Variants in LITAF observed in about 807,000 individuals in gnomAD.
LITAF encodes lipopolysaccharide induced TNF factor, also known as lipopolysaccharide-induced tumor necrosis factor-alpha factor.
A neutral mutation model predicts 14.5 loss-of-function variants in LITAF; 9 were observed. That is an observed-to-expected ratio of 0.62 (90% confidence interval 0.37 to 1.08). LITAF has a LOEUF of 1.08. Among genes scored for constraint, LITAF ranks in the 50% least tolerant of loss-of-function variants. LITAF has a pLI of 0.01. For synonymous variants in LITAF, 98 were observed against 88.2 expected (o/e 1.11, Z -0.62); for missense variants, 206 against 213.4 (o/e 0.97, Z 0.22).
At position 11,556,563 on chromosome 16, in the gene LITAF, C is replaced by G. The variant is rs752102464; in HGVS notation, c.168G>C (p.Met56Ile). 1 of 1,614,160 alleles carries G rather than the reference C, an allele frequency of 6.2e-7. No individual in the cohort carries two copies. The highest frequency in any genetic ancestry group is 8.5e-7 in the Non-Finnish European group (1 of 1,180,026). Reference sequence around the variant, plus strand: ...GCTGGGTATAATACGAAGGAGGATTCATGCCCTTCCCATCAGGCCCCGTCA... The same window carrying G: ...GCTGGGTATAATACGAAGGAGGATTGATGCCCTTCCCATCAGGCCCCGTCA... ...GLVTGPDGKG[M>I]NPPSYYTQPA... Residue 56 changes from methionine (M) to isoleucine (I), a missense_variant, in exon 2 of 4, where the codon ATG becomes ATC. Physicochemically the swap from Met to Ile is conservative, Grantham distance 10. Transcript: ENST00000622633.
chr16:11,562,414 T>G (rs926454171), intron 1 of LITAF, among the ~76,000 whole-genome samples: 1 of 151,242 alleles, frequency 6.6e-6, no homozygotes, highest in African/African-American at 2.4e-5. Context: ...GCCCAGAAAT[T>G]AAGTAGCCAA....
In LITAF at chr16:11,568,636, C is replaced by T. The variant is rs569537907; in HGVS notation, c.-5-11901G>A. On this transcript the variant is annotated intron_variant, in intron 1 of 3. Transcript: ENST00000622633. Reference sequence around the variant, plus strand: ...AGTTGCTACCGTGTAAGTGCTCCACCTTCAGTGCTTGCTTGTGACACTGAA... The same window carrying T: ...AGTTGCTACCGTGTAAGTGCTCCACTTTCAGTGCTTGCTTGTGACACTGAA... Among the ~76,000 whole-genome samples, 27 of 151,330 alleles carry T rather than the reference C, an allele frequency of 1.8e-4. No individual in the cohort carries two copies. In the South Asian group the frequency reaches 5.6e-3, roughly 32 times the overall value.
chr16:11,617,797 C>T (rs1378017364), intron 3 of LITAF, among the ~76,000 whole-genome samples: 2 of 152,082 alleles, frequency 1.3e-5, no homozygotes, highest in Non-Finnish European at 2.9e-5. Context: ...ATCTAAGCCT[C>T]TTTGAAGGTG....
Position 11,634,218 on chromosome 16 carries a change from A to G in LITAF, c.-20-581T>C, listed in dbSNP as rs971057510. 2.0e-5 allele frequency among the ~76,000 whole-genome samples: 3 copies of G among 152,216 alleles called. No individual in the cohort carries two copies. The highest frequency in any genetic ancestry group is 4.4e-5 in the Non-Finnish European group (3 of 68,036). On this transcript the variant is annotated intron_variant, in intron 2 of 3. Coordinates refer to the LITAF transcript ENST00000574848. The surrounding 1 kb of genome is among the most constrained non-coding windows in gnomAD (Gnocchi z 4.1). ...ACAGTGAAGGAGACCTGATCTAACC[A>G]ACCCCCATCTTGCCTTTCACCTCCA...
Position 11,605,921 on chromosome 16 carries a change from C to T in LITAF, c.85+27612G>A, listed in dbSNP as rs151059703. 3.2e-4 allele frequency among the ~76,000 whole-genome samples: 48 copies of T among 152,328 alleles called. No homozygotes were observed. Among genetic ancestry groups the T allele is most frequent in the South Asian group, 1.0e-3 (5 of 4,828 alleles). Reference sequence around the variant, plus strand: ...TTAGGATCAAGACCAACCTCTCCCACGGCCTGCGCACAGCCTGATCTTCTG... The same window carrying T: ...TTAGGATCAAGACCAACCTCTCCCATGGCCTGCGCACAGCCTGATCTTCTG... On this transcript the variant is annotated intron_variant, in intron 3 of 3. Coordinates refer to the LITAF transcript ENST00000574848. This position sits in a 1 kb window ranked among gnomAD's most constrained non-coding sequence, Gnocchi z 4.7.
chr16:11,556,204 G>A (rs1475438242), intron 2 of LITAF: 1 of 514,434 alleles, frequency 1.9e-6, no homozygotes, highest in African/African-American at 1.9e-5. Context: ...GAGGAAGTGT[G>A]CGGGCCCTTA....
upstream of LITAF, among the ~76,000 whole-genome samples, chr16:11,602,739 A>G (rs936175310): frequency 2.9e-5 from 4 of 139,246 alleles, no homozygotes; most frequent in African/African-American, 8.1e-5. Flanking sequence ...TGTAAGATCT[A>G]TTGTTCACTG....
upstream of LITAF, among the ~76,000 whole-genome samples, chr16:11,639,619 TAAAA>T (rs34112249): frequency 0.61 from 92,122 of 150,352 alleles, 29,708 homozygotes; most frequent in East Asian, 0.85. Flanking sequence ...GAAAGATTTT[TAAAA>T]AAAAAAAAGA....
intron 3 of LITAF, among the ~76,000 whole-genome samples, chr16:11,614,632 C>A (rs1240361894): frequency 6.6e-6 from 1 of 151,942 alleles, no homozygotes; most frequent in Non-Finnish European, 1.5e-5. Context: ...TGGGGTCTTA[C>A]TCTGTCACCC....
rs1326369171 is a variant in LITAF at position 11,553,807 on chromosome 16, G to T, written c.221-118C>A. 3 of 1,195,446 alleles carry T rather than the reference G, an allele frequency of 2.5e-6. No homozygotes were observed. The highest frequency in any genetic ancestry group is 3.6e-6 in the Non-Finnish European group (3 of 829,478). The allele number at this position is 1,195,446 out of a possible 1,614,324, so 74.1% of individuals were successfully genotyped here. On this transcript the variant is annotated intron_variant, in intron 2 of 3. Transcript: ENST00000622633. This position sits in a 1 kb window ranked among gnomAD's most constrained non-coding sequence, Gnocchi z 7.7. The stretch of plus-strand genomic sequence containing the variant: ...GCAAATATTATATTTGTACATTTGT[G>T]TTCATAGCATGCGTTCATCGTCTGG...
At position 11,634,121 on chromosome 16, in the gene LITAF, C is replaced by T. The variant is rs142689234; in HGVS notation, c.-20-484G>A. 3.3e-4 allele frequency among the ~76,000 whole-genome samples: 50 copies of T among 152,286 alleles called. No individual in the cohort carries two copies. In the East Asian group the frequency reaches 8.7e-3, roughly 26 times the overall value. On this transcript the variant is annotated intron_variant, in intron 2 of 3. Transcript: ENST00000574848. The surrounding 1 kb of genome is among the most constrained non-coding windows in gnomAD (Gnocchi z 4.1). ...AGACATGAATACACATGTGCAGAGACTCATATGGGCACTTATACACACATG... is the reference window on the plus strand; with the variant it reads ...AGACATGAATACACATGTGCAGAGATTCATATGGGCACTTATACACACATG...
In LITAF at chr16:11,586,169, G is replaced by C. The variant is rs891000110; in HGVS notation, c.-6+717C>G. ...ACCCAGCACCGGCGGTGGACGGTGA[G>C]CGGCGTCTGGGCCCAGAGCTGGGTG... On this transcript the variant is annotated intron_variant, in intron 1 of 3. Transcript: ENST00000622633. The surrounding 1 kb of genome is among the most constrained non-coding windows in gnomAD (Gnocchi z 6.5). 6.6e-6 allele frequency: 1 copy of C among 152,410 alleles called. No individual in the cohort carries two copies. Among genetic ancestry groups the C allele is most frequent in the Non-Finnish European group, 1.5e-5 (1 of 68,224 alleles). 9.4% of individuals were successfully genotyped at this position (152,410 alleles called of 1,614,324 possible). A position where few individuals can be genotyped will look rare whatever the true frequency, so the allele number is the denominator to read the frequency against.
Position 11,595,351 on chromosome 16 carries a change from G to C in LITAF, c.-6+3037C>G, listed in dbSNP as rs1597365104. On this transcript the variant is annotated intron_variant, in intron 1 of 3. Transcript: ENST00000571627. The stretch of plus-strand genomic sequence containing the variant: ...GACCCTGGCCAAACGCTTTGTTTCT[G>C]CTGCTGCCAAGATGGAGCTGAAACG... Among the ~76,000 whole-genome samples, 3 of 152,318 alleles carry C rather than the reference G, an allele frequency of 2.0e-5. No homozygotes were observed. The East Asian group carries it at 5.8e-4, about 29-fold the overall frequency.
In LITAF at chr16:11,549,256, G is replaced by T. The variant is rs1173365492; in HGVS notation, c.*381C>A. 2.3e-6 allele frequency: 1 copy of T among 436,570 alleles called. No homozygotes were observed. The highest frequency in any genetic ancestry group is 4.6e-6 in the Non-Finnish European group (1 of 218,176). The allele number at this position is 436,570 out of a possible 1,614,324, so 27.0% of individuals were successfully genotyped here. A position where few individuals can be genotyped will look rare whatever the true frequency, so the allele number is the denominator to read the frequency against. On this transcript the variant is annotated 3_prime_UTR_variant, in exon 4 of 4. Transcript: ENST00000622633. The surrounding 1 kb of genome is among the most constrained non-coding windows in gnomAD (Gnocchi z 4.6). ...CAGCCTCAAAAATAAGGCAACTGTG[G>T]CTTCTCAGTTTGAGACTGCCACCAG...
intron 3 of LITAF, among the ~76,000 whole-genome samples, chr16:11,617,426 C>CTTTTTTTT (rs71136673): frequency 2.8e-4 from 21 of 73,706 alleles, no homozygotes; most frequent in Non-Finnish European, 4.3e-4. Context: ...TGGCTTCACT[C>CTTTTTTTT]TTTTTTTTTT....
intron 1 of LITAF, among the ~76,000 whole-genome samples, chr16:11,573,864 G>C (rs942799577): frequency 6.6e-6 from 1 of 151,724 alleles, no homozygotes; most frequent in African/African-American, 2.4e-5. Context: ...ACCACACCCA[G>C]CTAATTTTTG....
At chr16:11,578,985 T>C (rs1260960962) in intron 1 of LITAF, among the ~76,000 whole-genome samples, 1 of 152,078 alleles carries the variant, frequency 6.6e-6, no homozygotes, top group Non-Finnish European at 1.5e-5. Flanking sequence ...GGTCGGGAGT[T>C]CGAGACCAGC....
chr16:11,610,736 G>T (rs552319746), intron 3 of LITAF, among the ~76,000 whole-genome samples: 1 of 152,134 alleles, frequency 6.6e-6, no homozygotes, highest in East Asian at 1.9e-4. Flanking sequence ...AATGCAGGGG[G>T]CACTCTTCTC....
chr16:11,589,433 C>G (rs937433602), upstream of LITAF, among the ~76,000 whole-genome samples: 3 of 152,064 alleles, frequency 2.0e-5, no homozygotes, highest in African/African-American at 7.2e-5. Flanking sequence ...GAGGTTCTGG[C>G]CATTGCCATT....
Sources: allele counts gnomAD v4.1 joint callset (sites outside exome capture counted in the v4.1 genomes callset), GRCh38; gene constraint gnomAD v4.1.1; non-coding constraint Gnocchi (gnomAD v3.1); transcripts MANE v1.5; gene names NCBI Gene and HGNC (gene_info 2026-07-23, HGNC 2026-07-21).